The following FER variants were observed in gnomAD, a reference collection of about 807,000 sequenced individuals.
FER encodes the protein FER tyrosine kinase.
In FER, 63 loss-of-function variants were observed where a neutral mutation model predicts 111.0. The ratio of observed to expected loss-of-function variants is 0.57; its 90% CI spans 0.46 to 0.70. FER has a LOEUF of 0.70. Among genes scored for constraint, FER ranks in the 30% least tolerant of loss-of-function variants. The probability of loss-of-function intolerance (pLI) is 0.00; values close to 1 mark genes in which losing one functional copy is unlikely to be tolerated. For synonymous variants in FER, 327 were observed against 313.9 expected (o/e 1.04, Z -0.44); for missense variants, 914 against 954.0 (o/e 0.96, Z 0.55).
At chr5:108,829,652 T>C (rs940525270) in intron 3 of FER, among the ~76,000 whole-genome samples, 2 of 152,122 alleles carry the variant, frequency 1.3e-5, no homozygotes, top group Non-Finnish European at 2.9e-5. Flanking sequence ...AAAAACTTTT[T>C]TAAGTCACTT....
chr5:108,954,534 T>C (rs1369572670), intron 11 of FER, among the ~76,000 whole-genome samples, 195 bp from the exon 12 acceptor site: 2 of 152,028 alleles, frequency 1.3e-5, no homozygotes. Flanking sequence ...TAAAACAAAG[T>C]GTTGAAGCAT....
chr5:109,083,687 G>C (rs1397121663), intron 16 of FER, among the ~76,000 whole-genome samples: 1 of 152,020 alleles, frequency 6.6e-6, no homozygotes, highest in African/African-American at 2.4e-5. Context: ...GACCGTCACT[G>C]ATCTTGACCC....
intron 3 of FER, among the ~76,000 whole-genome samples, chr5:108,803,833 A>C (rs1350923748): frequency 6.6e-6 from 1 of 152,176 alleles, no homozygotes; most frequent in Non-Finnish European, 1.5e-5. Context: ...TTTTGGTTGC[A>C]TATGAATTTT....
chr5:109,053,191 C>T (rs1229908580), intron 16 of FER, among the ~76,000 whole-genome samples: 1 of 152,002 alleles, frequency 6.6e-6, no homozygotes, highest in African/African-American at 2.4e-5. Context: ...CGGGACCAGC[C>T]TGGCCAACAT....
intron 5 of FER, among the ~76,000 whole-genome samples, chr5:108,840,595 C>G (rs1761159219): frequency 6.6e-6 from 1 of 151,786 alleles, no homozygotes; most frequent in South Asian, 2.1e-4. Context: ...TGATTGCATT[C>G]TCATGACTAC....
chr5:108,865,557 T>C (rs1763956283), intron 5 of FER, among the ~76,000 whole-genome samples: 1 of 152,084 alleles, frequency 6.6e-6, no homozygotes, highest in Non-Finnish European at 1.5e-5. Flanking sequence ...CCAAAAGCAA[T>C]GGCAACAAAA....
At chr5:109,039,310 T>C (rs141505350) in intron 14 of FER, among the ~76,000 whole-genome samples, 26 of 152,188 alleles carry the variant, frequency 1.7e-4, no homozygotes, top group African/African-American at 6.3e-4. Context: ...TCAACAAATA[T>C]TCAGTCATCC....
chr5:109,002,952 A>C (rs1045702557), intron 13 of FER, among the ~76,000 whole-genome samples: 1 of 152,246 alleles, frequency 6.6e-6, no homozygotes, highest in African/African-American at 2.4e-5. Flanking sequence ...GATCATTAAA[A>C]AGTCAGGAAA....
chr5:108,842,667 G>A (rs1031839293), intron 5 of FER: 2 of 152,096 alleles, frequency 1.3e-5, no homozygotes, highest in African/African-American at 4.8e-5. Flanking sequence ...AATTTTCAGG[G>A]AAATGCAAAT....
chr5:108,865,770 G>A (rs997257977), intron 5 of FER, among the ~76,000 whole-genome samples: 36 of 152,222 alleles, frequency 2.4e-4, no homozygotes, highest in Middle Eastern at 3.4e-3. Flanking sequence ...CAAAAAGTGG[G>A]CGAAGGATAT....
At chr5:108,976,813 A>G (rs1477379380) in intron 13 of FER, among the ~76,000 whole-genome samples, 1 of 152,202 alleles carries the variant, frequency 6.6e-6, no homozygotes, top group Non-Finnish European at 1.5e-5. Context: ...TCTCTCTGAC[A>G]TGGTGGGCAT....
Position 109,193,841 on chromosome 5 carries a change from AG to A in FER, c.*6268del, listed in dbSNP as rs1390699242. The A allele has an allele frequency of 6.6e-6, 1 of 152,166 alleles. No homozygotes were observed. Among genetic ancestry groups the A allele is most frequent in the Non-Finnish European group, 1.5e-5 (1 of 68,030 alleles). The allele number at this position is 152,166 out of a possible 1,614,324, so 9.4% of individuals were successfully genotyped here. On this transcript the variant is annotated 3_prime_UTR_variant, in exon 20 of 20. Transcript: ENST00000281092. ...GTACTTGGGGGCCCCTAGCCTTCTA[AG>A]GAACTCCCAGGCACCTACTTAACAA...
At chr5:108,844,800 T>C (rs1052417471) in intron 5 of FER, among the ~76,000 whole-genome samples, 2 of 151,512 alleles carry the variant, frequency 1.3e-5, no homozygotes, top group African/African-American at 4.8e-5. Flanking sequence ...TCAGAATAGT[T>C]ATTTTGAAAT....
rs1246594940 is a variant in FER, at chr5:109,037,382, CT to C, written c.1657-38del. 2 of 1,562,206 alleles carry C rather than the reference CT, an allele frequency of 1.3e-6. 1 individual carries two copies. The highest frequency in any genetic ancestry group is 2.2e-5 in the South Asian group (2 of 88,980). The stretch of plus-strand genomic sequence containing the variant: ...CAAATGCAACTTCAAGAAGTGTACC[CT>C]TGCTTGTACTAAACAACTGTTCTTA... On this transcript the variant is annotated intron_variant, in intron 13 of 19. Coordinates refer to ENST00000281092, the MANE Select transcript of FER (RefSeq NM_005246.4).
rs1582476160 is a variant in FER at position 109,192,979 on chromosome 5, G to C, written c.*5404G>C. ...GAAGGTTGAAAGGAAATGAAGGGCAGTAACAAAGCACCAATGTAAAATGAC... is the reference window on the plus strand; with the variant it reads ...GAAGGTTGAAAGGAAATGAAGGGCACTAACAAAGCACCAATGTAAAATGAC... On this transcript the variant is annotated 3_prime_UTR_variant, in exon 20 of 20. Transcript: ENST00000281092. 2 of 152,240 alleles carry C rather than the reference G, an allele frequency of 1.3e-5. No homozygotes were observed. The highest frequency in any genetic ancestry group is 1.9e-4 in the East Asian group (1 of 5,180). The allele number at this position is 152,240 out of a possible 1,614,324, so 9.4% of individuals were successfully genotyped here.
At chr5:108,828,757 T>C (rs764222044) in intron 3 of FER, among the ~76,000 whole-genome samples, 3 of 152,178 alleles carry the variant, frequency 2.0e-5, no homozygotes, top group Non-Finnish European at 4.4e-5. Flanking sequence ...AATGAAGCAA[T>C]TTTAAGGTCT....
In FER at chr5:109,086,475, A is replaced by G. The variant is rs139912266; in HGVS notation, c.1925-13921A>G. Reference sequence around the variant, plus strand: ...CCTAGGTGTTTATCCATTTTATTTAATCTATTAAACAACTTTTAGCTTTTT... The same window carrying G: ...CCTAGGTGTTTATCCATTTTATTTAGTCTATTAAACAACTTTTAGCTTTTT... On this transcript the variant is annotated intron_variant, in intron 16 of 19. Transcript: ENST00000281092. Among the ~76,000 whole-genome samples the G allele has an allele frequency of 3.1e-3, 470 of 151,612 alleles. 1 individual carries two copies. Among genetic ancestry groups the G allele is most frequent in the Middle Eastern group, 0.014 (4 of 294 alleles).
intron 5 of FER, among the ~76,000 whole-genome samples, chr5:108,838,004 A>G (rs1337569072): frequency 6.6e-6 from 1 of 152,192 alleles, no homozygotes; most frequent in Non-Finnish European, 1.5e-5. Context: ...TACTTTTAAA[A>G]TAAGTACTTT....
chr5:109,175,979 C>CA (rs1334436230), intron 17 of FER, among the ~76,000 whole-genome samples: 1 of 151,538 alleles, frequency 6.6e-6, no homozygotes, highest in Non-Finnish European at 1.5e-5. Context: ...ATTCCATCTC[C>CA]AAAAAACAAA....
Sources: gnomAD v4.1 joint callset for allele counts (sites outside exome capture counted in the v4.1 genomes callset) on GRCh38, gnomAD v4.1.1 for gene constraint, MANE v1.5 for transcripts, NCBI Gene and HGNC (gene_info 2026-07-23, HGNC 2026-07-21) for gene names.